Variants in MYO9A observed in about 807,000 individuals in gnomAD.
The protein encoded by MYO9A is myosin IXA, also known as unconventional myosin-IXa.
In MYO9A, 103 loss-of-function variants were observed where a neutral mutation model predicts 293.3. The ratio of observed to expected loss-of-function variants is 0.35; its 90% CI spans 0.30 to 0.41. MYO9A has a LOEUF of 0.41. Ranked by LOEUF, MYO9A falls within the 10% of genes least tolerant of loss-of-function variation. The pLI is 1.00. For missense variants in MYO9A, 2,685 were observed against 3,033.0 expected, an observed-to-expected ratio of 0.89 and a Z score of 2.69; for synonymous variants, 1,001 against 1,035.7, an observed-to-expected ratio of 0.97 and a Z score of 0.64.
At chr15:71,992,440 A>C (rs1245511617) in intron 10 of MYO9A, among the ~76,000 whole-genome samples, 1 of 152,238 alleles carries the variant, frequency 6.6e-6, no homozygotes. Context: ...TGATGAATGA[A>C]AAATAGTAAG....
intron 39 of MYO9A, among the ~76,000 whole-genome samples, chr15:71,844,438 C>T (rs900005162): frequency 6.6e-6 from 1 of 152,112 alleles, no homozygotes; most frequent in African/African-American, 2.4e-5. Flanking sequence ...TTCTGTGAGA[C>T]CAGTCCATTA....
At chr15:71,971,655 C>T (rs753750862) in intron 12 of MYO9A, among the ~76,000 whole-genome samples, 4 of 151,240 alleles carry the variant, frequency 2.6e-5, no homozygotes, top group Non-Finnish European at 4.4e-5. Context: ...TTACAAACAC[C>T]TTAAGATATA....
chr15:71,978,338 A>C, intron 11 of MYO9A, 46 bp from the exon 12 acceptor site: 1 of 1,525,778 alleles, frequency 6.6e-7, no homozygotes, highest in South Asian at 1.2e-5. Context: ...ATCTTGCAGA[A>C]AATAGGTATA....
chr15:71,868,183 T>C (rs907868488), intron 32 of MYO9A, among the ~76,000 whole-genome samples: 1 of 152,214 alleles, frequency 6.6e-6, no homozygotes. Context: ...GTTGGCAGAA[T>C]TCAGTTCCAT....
chr15:72,003,204 G>A (rs1044105340), intron 8 of MYO9A, among the ~76,000 whole-genome samples: 2 of 150,874 alleles, frequency 1.3e-5, no homozygotes, highest in Non-Finnish European at 2.9e-5. Flanking sequence ...GGGAGGCAGA[G>A]ATTGTGGTGA....
chr15:71,968,219 T>C lies in MYO9A; in HGVS notation c.1845-94A>G, dbSNP rs139351900. ...CTTTTCAAAGTACATTACAATTACA[T>C]TGCCATCTTACATAGCAGTTTACAA... On this transcript the variant is annotated intron_variant, in intron 12 of 41. Coordinates refer to ENST00000356056, the MANE Select transcript of MYO9A (RefSeq NM_006901.4). The C allele has an allele frequency of 8.0e-5, 87 of 1,082,010 alleles. No homozygotes were observed. In the Admixed American group the frequency reaches 2.1e-3, roughly 26 times the overall value. 67.0% of individuals were successfully genotyped at this position (1,082,010 alleles called of 1,614,324 possible).
At chr15:71,931,309 C>A (rs1340816038) in intron 18 of MYO9A, among the ~76,000 whole-genome samples, 1 of 152,156 alleles carries the variant, frequency 6.6e-6, no homozygotes, top group African/African-American at 2.4e-5. Context: ...ATTCCCTTAG[C>A]CATCATTTGT....
chr15:71,880,510 C>T lies in MYO9A; in HGVS notation c.5447G>A (p.Gly1816Asp), dbSNP rs775190507. 2 of 1,614,182 alleles carry T rather than the reference C, an allele frequency of 1.2e-6. No homozygotes were observed. Among genetic ancestry groups the T allele is most frequent in the Admixed American group, 1.7e-5 (1 of 60,022 alleles). Residue 1816 changes from glycine (G) to aspartate (D), a missense_variant, in exon 29 of 42, where the codon GGC becomes GAC. By Grantham distance (94) the Gly-to-Asp change is moderately conservative. Transcript: ENST00000356056. ...CTCTTTGAATTCCTTCCGGCAACTG[C>T]CGGGCAGTTCTGGGCTCAAAGGAGG... ...PTPPLSPELPGSCRKEFKENK... is the reference protein window; with the variant it reads ...PTPPLSPELPDSCRKEFKENK...
chr15:71,962,653 T>C (rs534459396), intron 13 of MYO9A, among the ~76,000 whole-genome samples: 11 of 152,276 alleles, frequency 7.2e-5, no homozygotes, highest in Middle Eastern at 3.4e-3. Context: ...TAACAACTAC[T>C]CAATAAAGCA....
At chr15:71,919,104 T>C (rs562449079) in intron 18 of MYO9A, among the ~76,000 whole-genome samples, 2 of 152,330 alleles carry the variant, frequency 1.3e-5, no homozygotes, top group East Asian at 3.9e-4. Context: ...CTAAATTATT[T>C]TTTCATTTAT....
At chr15:71,980,227 G>A (rs2147918918) in intron 11 of MYO9A, among the ~76,000 whole-genome samples, 1 of 152,136 alleles carries the variant, frequency 6.6e-6, no homozygotes, top group South Asian at 2.1e-4. Flanking sequence ...AAAACTTTTG[G>A]TGTGCATTTA....
intron 26 of MYO9A, 47 bp from the exon 27 acceptor site, chr15:71,888,163 G>A (rs1233163425): frequency 1.0e-6 from 1 of 986,972 alleles, no homozygotes; most frequent in South Asian, 1.5e-5. Flanking sequence ...GTAAATATAT[G>A]ATAGCACTGT....
At chr15:72,111,501 A>C (rs1426606899) in intron 1 of MYO9A, among the ~76,000 whole-genome samples, 2 of 151,578 alleles carry the variant, frequency 1.3e-5, no homozygotes, top group African/African-American at 4.9e-5. Context: ...AAAAAAAAAA[A>C]TTAATAAATA....
At chr15:72,002,896 G>A (rs1486807385) in intron 8 of MYO9A, among the ~76,000 whole-genome samples, 1 of 152,032 alleles carries the variant, frequency 6.6e-6, no homozygotes, top group African/African-American at 2.4e-5. Context: ...AAGGAAAAAA[G>A]GAAGAAAATA....
chr15:71,925,224 C>CATATATACATGTGT, intron 18 of MYO9A, among the ~76,000 whole-genome samples: 1 of 67,786 alleles, frequency 1.5e-5, no homozygotes, highest in Admixed American at 1.6e-4. Flanking sequence ...TATATATACA[C>CATATATACATGTGT]ATATATACAC....
chr15:72,117,712 C>A lies in MYO9A; in HGVS notation c.-104G>T, dbSNP rs1364703132. ...TCCGCCGCGGTGGCCACCGCAGCCC[C>A]CTCCTCTTCGACGGAAGCTGCCTTC... On this transcript the variant is annotated 5_prime_UTR_variant, in exon 1 of 42. Transcript: ENST00000356056. The A allele has an allele frequency of 2.5e-6, 1 of 397,344 alleles. No individual in the cohort carries two copies. Among genetic ancestry groups the A allele is most frequent in the Admixed American group, 4.4e-5 (1 of 22,688 alleles). 24.6% of individuals were successfully genotyped at this position (397,344 alleles called of 1,614,324 possible).
intron 39 of MYO9A, among the ~76,000 whole-genome samples, chr15:71,831,448 G>A (rs988452185): frequency 7.2e-5 from 11 of 152,172 alleles, no homozygotes; most frequent in African/African-American, 2.7e-4. Flanking sequence ...AAAAGTTGGA[G>A]CCAGACCCAC....
At chr15:71,968,913 T>C (rs1160346252) in intron 12 of MYO9A, among the ~76,000 whole-genome samples, 1 of 152,122 alleles carries the variant, frequency 6.6e-6, no homozygotes, top group Non-Finnish European at 1.5e-5. Flanking sequence ...TGACATGAGG[T>C]TGTAAAGTTG....
At position 71,888,890 on chromosome 15, in the gene MYO9A, T is replaced by A. The variant is rs542047457; in HGVS notation, c.5143-774A>T. ...GTTGGCAAAGATGAAGTAATAGGGA[T>A]CTGGTCTACCCACTTACCTGAAACC... is the stretch of plus-strand genomic sequence containing the variant. On this transcript the variant is annotated intron_variant, in intron 26 of 41. Coordinates refer to ENST00000356056, the MANE Select transcript of MYO9A (RefSeq NM_006901.4). Among the ~76,000 whole-genome samples the A allele has an allele frequency of 4.3e-4, 66 of 152,298 alleles. 2 individuals are homozygous for A. In the South Asian group the frequency reaches 0.014, roughly 32 times the overall value.
Sources: gnomAD v4.1 joint callset for allele counts (sites outside exome capture counted in the v4.1 genomes callset) on GRCh38, gnomAD v4.1.1 for gene constraint, MANE v1.5 for transcripts, NCBI Gene and HGNC (gene_info 2026-07-23, HGNC 2026-07-21) for gene names.